CAMK4: variants seen among roughly 807,000 people sequenced by gnomAD.
CAMK4 encodes calcium/calmodulin-dependent protein kinase type IV.
CAMK4 carries 22 observed loss-of-function variants against 44.9 expected under a neutral mutation model. That is an observed-to-expected ratio of 0.49 (90% CI 0.35 to 0.70). CAMK4 has a LOEUF of 0.70. Among genes scored for constraint, CAMK4 ranks in the 30% least tolerant of loss-of-function variants. The pLI is 0.01. For synonymous variants in CAMK4, 218 were observed against 215.4 expected (o/e 1.01, Z -0.11); for missense variants, 498 against 586.8 (o/e 0.85, Z 1.56).
intron 1 of CAMK4, among the ~76,000 whole-genome samples, chr5:111,308,258 T>TAAAAAAAAA (rs1561399632): frequency 6.9e-6 from 1 of 144,034 alleles, no homozygotes; most frequent in African/African-American, 2.7e-5. Flanking sequence ...AATAAAAAAA[T>TAAAAAAAAA]AAAATAAAAT....
intron 5 of CAMK4, among the ~76,000 whole-genome samples, chr5:111,428,876 C>T (rs1306340254): frequency 6.6e-6 from 1 of 152,128 alleles, no homozygotes; most frequent in Non-Finnish European, 1.5e-5. Flanking sequence ...GAAGATGTAA[C>T]TTCTTGAAGA....
chr5:111,292,310 T>A (rs1203711192), intron 1 of CAMK4, among the ~76,000 whole-genome samples: 1 of 152,196 alleles, frequency 6.6e-6, no homozygotes, highest in East Asian at 1.9e-4. Flanking sequence ...TAAAACTTAT[T>A]TTTCAAACTA....
intron 1 of CAMK4, among the ~76,000 whole-genome samples, chr5:111,231,792 A>G (rs1227452960): frequency 6.6e-6 from 1 of 152,238 alleles, no homozygotes; most frequent in African/African-American, 2.4e-5. Context: ...CAAATTGTAT[A>G]TGCCATAAAT....
At chr5:111,378,479 G>A (rs149399978) in intron 4 of CAMK4, among the ~76,000 whole-genome samples, 15 of 152,212 alleles carry the variant, frequency 9.9e-5, no homozygotes, top group Non-Finnish European at 1.8e-4. Context: ...ACATTACCCA[G>A]TGAAAATTTG....
intron 1 of CAMK4, among the ~76,000 whole-genome samples, chr5:111,238,935 G>C (rs1748866748): frequency 6.7e-6 from 1 of 148,774 alleles, no homozygotes; most frequent in African/African-American, 2.5e-5. Flanking sequence ...GTGCCTTCCA[G>C]GCACTAGCAC....
chr5:111,236,189 G>A (rs1367906143), intron 1 of CAMK4, among the ~76,000 whole-genome samples: 1 of 152,210 alleles, frequency 6.6e-6, no homozygotes, highest in East Asian at 1.9e-4. Flanking sequence ...AGGCCACAAG[G>A]TGGGAAGTAG....
At chr5:111,312,914 C>T (rs1385097757) in intron 1 of CAMK4, among the ~76,000 whole-genome samples, 3 of 152,038 alleles carry the variant, frequency 2.0e-5, no homozygotes, top group Non-Finnish European at 2.9e-5. Context: ...TGTCTTTGGG[C>T]AAATATTAAA....
At chr5:111,321,457 C>T (rs373194704) in intron 1 of CAMK4, among the ~76,000 whole-genome samples, 6 of 152,102 alleles carry the variant, frequency 3.9e-5, no homozygotes, top group Non-Finnish European at 7.3e-5. Flanking sequence ...GAGTAATTTT[C>T]TGAACTTTTA....
intron 5 of CAMK4, among the ~76,000 whole-genome samples, chr5:111,418,208 C>T (rs762933611): frequency 5.3e-5 from 8 of 152,156 alleles, no homozygotes; most frequent in Non-Finnish European, 1.0e-4. Context: ...TCAGTAGGTT[C>T]CGTGATGCCC....
At chr5:111,471,294 C>T (rs915805000) in intron 7 of CAMK4, among the ~76,000 whole-genome samples, 1 of 152,190 alleles carries the variant, frequency 6.6e-6, no homozygotes, top group African/African-American at 2.4e-5. Flanking sequence ...ACTATTGTTT[C>T]TGCTCTTGCC....
At chr5:111,298,820 G>A (rs897073197) in intron 1 of CAMK4, among the ~76,000 whole-genome samples, 33 of 152,244 alleles carry the variant, frequency 2.2e-4, no homozygotes, top group Non-Finnish European at 4.6e-4. Context: ...TGCCCAAGGA[G>A]GCACCCGTGC....
chr5:111,421,892 C>T (rs375294735), intron 5 of CAMK4, among the ~76,000 whole-genome samples: 10 of 152,176 alleles, frequency 6.6e-5, no homozygotes, highest in African/African-American at 1.4e-4. Context: ...ATAAGTCTCA[C>T]GAAATTTGAT....
intron 1 of CAMK4, among the ~76,000 whole-genome samples, chr5:111,246,651 A>G (rs1329324390): frequency 6.6e-6 from 1 of 152,276 alleles, no homozygotes; most frequent in South Asian, 2.1e-4. Context: ...CCAGGACAGT[A>G]AGGATCTTTA....
At position 111,490,428 on chromosome 5, in the gene CAMK4, G is replaced by C. The variant is rs1755776912; in HGVS notation, c.*5962G>C. 6.6e-6 allele frequency: 1 copy of C among 152,142 alleles called. No individual in the cohort carries two copies. Among genetic ancestry groups the C allele is most frequent in the Admixed American group, 6.6e-5 (1 of 15,260 alleles). The allele number at this position is 152,142 out of a possible 1,614,324, so 9.4% of individuals were successfully genotyped here. A position where few individuals can be genotyped will look rare whatever the true frequency, so the allele number is the denominator to read the frequency against. On this transcript the variant is annotated 3_prime_UTR_variant, in exon 11 of 11. Transcript: ENST00000282356. ...GTTTGAGACCAGCCTGGCCAACGTGGTGAAACCCCTAATACAAAAATTAGC... is the reference window on the plus strand; with the variant it reads ...GTTTGAGACCAGCCTGGCCAACGTGCTGAAACCCCTAATACAAAAATTAGC...
At chr5:111,403,769 G>A (rs1381110510) in intron 5 of CAMK4, among the ~76,000 whole-genome samples, 1 of 152,076 alleles carries the variant, frequency 6.6e-6, no homozygotes, top group East Asian at 1.9e-4. Context: ...CCTGGGCAAG[G>A]GAGGGGATTT....
intron 7 of CAMK4, among the ~76,000 whole-genome samples, chr5:111,452,345 AC>A (rs1754266936): frequency 5.9e-5 from 9 of 152,220 alleles, no homozygotes; most frequent in Admixed American, 5.9e-4. Flanking sequence ...TTCAGATTTG[AC>A]TTGGTAGGTA....
chr5:111,241,409 C>T (rs187690312), intron 1 of CAMK4, among the ~76,000 whole-genome samples: 1 of 152,242 alleles, frequency 6.6e-6, no homozygotes, highest in African/African-American at 2.4e-5. Context: ...AAGAATACCA[C>T]AAAAATGAAG....
At chr5:111,308,162 A>C (rs935389147) in intron 1 of CAMK4, among the ~76,000 whole-genome samples, 111 of 136,846 alleles carry the variant, frequency 8.1e-4, no homozygotes, top group African/African-American at 3.0e-3. Flanking sequence ...ATGACACGTT[A>C]GTGGGTGCAG....
intron 2 of CAMK4, among the ~76,000 whole-genome samples, chr5:111,363,731 G>T (rs1475748363): frequency 6.6e-6 from 1 of 152,100 alleles, no homozygotes; most frequent in East Asian, 1.9e-4. Flanking sequence ...CAAAGGCCTT[G>T]AAGCTTGGTC....
Sources: allele counts gnomAD v4.1 joint callset (sites outside exome capture counted in the v4.1 genomes callset), GRCh38; gene constraint gnomAD v4.1.1; transcripts MANE v1.5; gene names NCBI Gene and HGNC (gene_info 2026-07-23, HGNC 2026-07-21).